EXOC4: variants seen among roughly 807,000 people sequenced by gnomAD.
EXOC4 encodes the protein SEC8-like 1.
Under a neutral mutation model 107.2 loss-of-function variants are expected in EXOC4, and 71 were observed. That is an observed-to-expected ratio of 0.66 (90% CI 0.55 to 0.81). The LOEUF is 0.81. Among genes scored for constraint, EXOC4 ranks in the 30% least tolerant of loss-of-function variants. The probability of loss-of-function intolerance (pLI) is 0.00; values close to 1 mark genes in which losing one functional copy is unlikely to be tolerated. For missense variants in EXOC4, 1,108 were observed against 1,189.6 expected, an observed-to-expected ratio of 0.93 and a Z score of 1.01; for synonymous variants, 456 against 441.2, an observed-to-expected ratio of 1.03 and a Z score of -0.42.
chr7:133,990,268 TCC>T (rs60183854), intron 14 of EXOC4, among the ~76,000 whole-genome samples: 11 of 110,204 alleles, frequency 1.0e-4, no homozygotes, highest in East Asian at 2.6e-4. Flanking sequence ...AACTTTCCCC[TCC>T]CCCCCCCACC....
At chr7:133,597,384 G>A (rs1488465935) in intron 9 of EXOC4, among the ~76,000 whole-genome samples, 5 of 151,818 alleles carry the variant, frequency 3.3e-5, no homozygotes, top group East Asian at 3.9e-4. Flanking sequence ...GAGAAACCCC[G>A]TCTCTACTAA....
rs538391461 is a variant in EXOC4, at chr7:133,831,838, TA to T, written c.1734+14295del. Among the ~76,000 whole-genome samples the T allele has an allele frequency of 5.3e-5, 8 of 152,344 alleles. No individual in the cohort carries two copies. The South Asian group carries it at 1.7e-3, about 32-fold the overall frequency. ...ATATTCATATCCGTATATATTTCTA[TA>T]TGTAACCATTTACGTCTGTATTAAG... On this transcript the variant is annotated intron_variant, in intron 11 of 17. Coordinates refer to ENST00000253861, the MANE Select transcript of EXOC4 (RefSeq NM_021807.4).
Position 133,756,844 on chromosome 7 carries a change from CAAA to C in EXOC4, c.1515-60478_1515-60476del, listed in dbSNP as rs1234801223. On this transcript the variant is annotated intron_variant, in intron 10 of 17. Coordinates refer to ENST00000253861, the MANE Select transcript of EXOC4 (RefSeq NM_021807.4). Reference sequence around the variant, plus strand: ...ATTGCAAGGTTACATAAAATAGTGACAAAAATGAGTTCAATATATCTGGATCTG... The same window carrying C: ...ATTGCAAGGTTACATAAAATAGTGACAATGAGTTCAATATATCTGGATCTG... Among the ~76,000 whole-genome samples, 4 of 152,130 alleles carry C rather than the reference CAAA, an allele frequency of 2.6e-5. No individual in the cohort carries two copies. In the East Asian group the frequency reaches 7.7e-4, roughly 29 times the overall value.
chr7:133,657,664 A>G (rs1803332119), intron 10 of EXOC4, among the ~76,000 whole-genome samples: 1 of 152,128 alleles, frequency 6.6e-6, no homozygotes, highest in Non-Finnish European at 1.5e-5. Flanking sequence ...TGTGTGGAGA[A>G]ACTTGGAACT....
At chr7:133,300,753 G>T (rs1445176542) in intron 3 of EXOC4, among the ~76,000 whole-genome samples, 4 of 152,180 alleles carry the variant, frequency 2.6e-5, no homozygotes, top group African/African-American at 7.2e-5. Flanking sequence ...TGATGTCCCA[G>T]ATCTATCAAA....
chr7:133,928,922 C>CTTTTT (rs71162044), intron 13 of EXOC4, among the ~76,000 whole-genome samples: 5 of 82,014 alleles, frequency 6.1e-5, no homozygotes, highest in Non-Finnish European at 8.6e-5. Flanking sequence ...ACAGTAGTAC[C>CTTTTT]TTTTTTTTTT....
chr7:133,460,455 C>T (rs1798564896), intron 7 of EXOC4, among the ~76,000 whole-genome samples: 1 of 152,104 alleles, frequency 6.6e-6, no homozygotes, highest in Non-Finnish European at 1.5e-5. Context: ...TTTGATTAAC[C>T]TTTTAAATTT....
At chr7:133,875,585 T>G (rs1585215291) in intron 11 of EXOC4, among the ~76,000 whole-genome samples, 1 of 152,178 alleles carries the variant, frequency 6.6e-6, no homozygotes, top group Admixed American at 6.5e-5. Context: ...CATAGAATGG[T>G]CTACTGATGA....
chr7:133,969,510 T>C (rs1351033699), intron 14 of EXOC4, among the ~76,000 whole-genome samples: 1 of 152,220 alleles, frequency 6.6e-6, no homozygotes, highest in African/African-American at 2.4e-5. Context: ...TTGGTGACCT[T>C]CTGGTGGGGT....
intron 7 of EXOC4, among the ~76,000 whole-genome samples, chr7:133,416,284 A>T (rs751569365): frequency 6.6e-6 from 1 of 152,178 alleles, no homozygotes; most frequent in African/African-American, 2.4e-5. Context: ...TTGGTGTAGT[A>T]CTTGACCATC....
chr7:133,723,696 G>C (rs1243604445), intron 10 of EXOC4, among the ~76,000 whole-genome samples: 1 of 152,114 alleles, frequency 6.6e-6, no homozygotes, highest in Admixed American at 6.6e-5. Context: ...TCACTATGTT[G>C]GTTGGGCTGT....
intron 10 of EXOC4, among the ~76,000 whole-genome samples, chr7:133,755,768 A>G (rs1291986160): frequency 6.6e-6 from 1 of 152,158 alleles, no homozygotes; most frequent in East Asian, 1.9e-4. Flanking sequence ...CCACAGAACT[A>G]TGTGCTCAAC....
intron 17 of EXOC4, among the ~76,000 whole-genome samples, chr7:134,051,804 T>C (rs913928678): frequency 6.6e-6 from 1 of 151,540 alleles, no homozygotes; most frequent in Admixed American, 6.6e-5. Flanking sequence ...GCTAACACAG[T>C]GAAACCCTGT....
At chr7:133,348,548 C>T (rs140751758) in intron 5 of EXOC4, among the ~76,000 whole-genome samples, 7 of 152,284 alleles carry the variant, frequency 4.6e-5, no homozygotes, top group African/African-American at 1.7e-4. Context: ...GTGACTCATA[C>T]GTGCTTTTTT....
intron 9 of EXOC4, among the ~76,000 whole-genome samples, chr7:133,586,644 GGATTGCTGGGTT>G (rs980132289): frequency 2.6e-4 from 40 of 152,224 alleles, no homozygotes; most frequent in African/African-American, 9.4e-4. Flanking sequence ...CCCAATAATG[GGATTGCTGGGTT>G]GAATAGACAG....
chr7:133,755,915 C>G (rs1795907125), intron 10 of EXOC4, among the ~76,000 whole-genome samples: 1 of 152,114 alleles, frequency 6.6e-6, no homozygotes, highest in Non-Finnish European at 1.5e-5. Context: ...CATGACTTAG[C>G]TTATATTACC....
intron 10 of EXOC4, among the ~76,000 whole-genome samples, chr7:133,745,739 G>A (rs1431852352): frequency 2.8e-5 from 4 of 141,404 alleles, no homozygotes; most frequent in Admixed American, 7.1e-5. Context: ...TCCTGTTTGG[G>A]TTACTTATCA....
the EXOC4 span, among the ~76,000 whole-genome samples, chr7:134,088,583 AT>A: frequency 6.6e-6 from 1 of 152,184 alleles, no homozygotes; most frequent in South Asian, 2.1e-4. Context: ...ATTCATGAAC[AT>A]TTCAGTTCTC....
At chr7:133,794,173 C>T (rs1407095921) in intron 10 of EXOC4, among the ~76,000 whole-genome samples, 4 of 152,196 alleles carry the variant, frequency 2.6e-5, no homozygotes, top group African/African-American at 9.7e-5. Flanking sequence ...TTTCCAGTTA[C>T]TATAATCAGC....
Sources: gnomAD v4.1 joint callset for allele counts (sites outside exome capture counted in the v4.1 genomes callset) on GRCh38, gnomAD v4.1.1 for gene constraint, MANE v1.5 for transcripts, NCBI Gene and HGNC (gene_info 2026-07-23, HGNC 2026-07-21) for gene names.